The following PSMG4 variants were observed in gnomAD, a reference collection of about 807,000 sequenced individuals.
The protein encoded by PSMG4 is proteasome assembly chaperone 4, also known as proteasome (prosome, macropain) assembly chaperone 4.
PSMG4 carries 10 observed loss-of-function variants against 11.0 expected under a neutral mutation model. The observed-to-expected ratio is 0.91, with a 90% CI of 0.56 to 1.54. PSMG4 has a LOEUF of 1.54. Ranked by LOEUF, PSMG4 falls within the 40% of genes most tolerant of loss-of-function variation. The pLI, the probability that PSMG4 is intolerant of heterozygous loss-of-function variation, is 0.00. For synonymous variants in PSMG4, 95 were observed against 71.3 expected (o/e 1.33, Z -1.68); for missense variants, 198 against 160.9 (o/e 1.23, Z -1.25).
upstream of PSMG4, among the ~76,000 whole-genome samples, chr6:3,257,594 A>G (rs1311541522): frequency 6.6e-6 from 1 of 152,154 alleles, no homozygotes; most frequent in African/African-American, 2.4e-5. Flanking sequence ...ATTGACACAC[A>G]AGCAGATGAA....
chr6:3,262,800 T>C (rs1170239526), intron 1 of PSMG4, among the ~76,000 whole-genome samples: 1 of 143,322 alleles, frequency 7.0e-6, no homozygotes, highest in Non-Finnish European at 1.5e-5. Context: ...GTGTTTTTTT[T>C]TTCCCCCTTT....
chr6:3,254,572 C>T (rs4997135), upstream of PSMG4, among the ~76,000 whole-genome samples: 103,417 of 151,474 alleles, frequency 0.68, 38,580 homozygotes, highest in Non-Finnish European at 0.83. Flanking sequence ...GTTTGTGAGG[C>T]TGGGAACCCA....
At chr6:3,254,405 G>A (rs1757659934), upstream of PSMG4, among the ~76,000 whole-genome samples, 1 of 152,188 alleles carries the variant, frequency 6.6e-6, no homozygotes, top group Admixed American at 6.5e-5. Context: ...CCTGCTGTTG[G>A]TGGCACATCT....
upstream of PSMG4, chr6:3,255,160 A>G (rs555095616): frequency 2.1e-5 from 32 of 1,550,930 alleles, no homozygotes; most frequent in South Asian, 2.3e-4. Context: ...GCAGGGCCAT[A>G]CTGACGGCTT....
rs1757870726 is a variant in PSMG4, at chr6:3,259,203, G to A, written c.174+7G>A. 1 of 1,289,094 alleles carries A rather than the reference G, an allele frequency of 7.8e-7. No individual in the cohort carries two copies. The allele number at this position is 1,289,094 out of a possible 1,614,324, so 79.9% of individuals were successfully genotyped here. On this transcript the variant is annotated splice_region_variant and intron_variant, in intron 1 of 2. Transcript: ENST00000438998. ...GGCCATGTGCAGCCGCTACGTGAGTGCCTGGCGGCCGAGGGTGCGGGCGGC... is the reference window on the plus strand; with the variant it reads ...GGCCATGTGCAGCCGCTACGTGAGTACCTGGCGGCCGAGGGTGCGGGCGGC...
At position 3,258,949 on chromosome 6, in the gene PSMG4, T is replaced by G. The variant is rs1757855205; in HGVS notation, c.-74T>G. On this transcript the variant is annotated 5_prime_UTR_variant, in exon 1 of 3. Transcript: ENST00000438998. Reference sequence around the variant, plus strand: ...GCGCGCTCGGTCTCTCGGTGCTCGCTCCATCGGGTCTGGCGGGGCTGGCAG... The same window carrying G: ...GCGCGCTCGGTCTCTCGGTGCTCGCGCCATCGGGTCTGGCGGGGCTGGCAG... 6.6e-6 allele frequency: 8 copies of G among 1,207,536 alleles called. No homozygotes were observed. The highest frequency in any genetic ancestry group is 8.3e-6 in the Non-Finnish European group (8 of 966,018). 74.8% of individuals were successfully genotyped at this position (1,207,536 alleles called of 1,614,324 possible).
chr6:3,264,304 CA>C lies in PSMG4; in HGVS notation c.250+547del. On this transcript the variant is annotated intron_variant, in intron 2 of 2. Coordinates refer to ENST00000438998, the MANE Select transcript of PSMG4 (RefSeq NM_001128591.2). The stretch of plus-strand genomic sequence containing the variant: ...TGAATGCTCCACTCTTCCCACACCC[CA>C]ACACACTTCCTGTGGGCCAGGTAAG... The C allele has an allele frequency of 2.6e-6, 4 of 1,551,066 alleles. No homozygotes were observed. The African/African-American group carries it at 4.1e-5, about 16-fold the overall frequency.
chr6:3,263,543 CT>C (rs1351335866), intron 1 of PSMG4, 140 bp from the exon 2 acceptor site: 1 of 672,028 alleles, frequency 1.5e-6, no homozygotes, highest in Non-Finnish European at 2.4e-6. Context: ...GACGCCACCC[CT>C]CTTTCCCTCG....
upstream of PSMG4, among the ~76,000 whole-genome samples, chr6:3,254,451 C>CT (rs5873867): frequency 0.61 from 92,645 of 151,694 alleles, 30,713 homozygotes; most frequent in Non-Finnish European, 0.73. Context: ...TAGTTTTCTG[C>CT]TTTTTTTGTG....
upstream of PSMG4, chr6:3,254,902 G>A (rs986884137): frequency 4.7e-6 from 4 of 842,758 alleles, no homozygotes; most frequent in Admixed American, 1.2e-4. Flanking sequence ...GTAAGTGAAT[G>A]ATCTCTGAGC....
chr6:3,260,291 A>ATATATATTTTT, intron 1 of PSMG4, among the ~76,000 whole-genome samples: 5 of 70,864 alleles, frequency 7.1e-5, no homozygotes, highest in East Asian at 4.6e-4. Flanking sequence ...ATATATATAT[A>ATATATATTTTT]TTTTTTTTTT....
At chr6:3,255,876 C>T (rs571849562), upstream of PSMG4, among the ~76,000 whole-genome samples, 6 of 139,408 alleles carry the variant, frequency 4.3e-5, no homozygotes, top group East Asian at 1.3e-3. Flanking sequence ...ATTGTTTTGT[C>T]TTCCTCTTTC....
upstream of PSMG4, among the ~76,000 whole-genome samples, chr6:3,256,766 G>T (rs754266801): frequency 2.0e-5 from 3 of 152,206 alleles, no homozygotes; most frequent in Non-Finnish European, 2.9e-5. Flanking sequence ...TCTGCACTGG[G>T]GCAAACTGGC....
At position 3,258,950 on chromosome 6, in the gene PSMG4, C is replaced by A; in HGVS notation, c.-73C>A. On this transcript the variant is annotated 5_prime_UTR_variant, in exon 1 of 3. Transcript: ENST00000438998. The stretch of plus-strand genomic sequence containing the variant: ...CGCGCTCGGTCTCTCGGTGCTCGCT[C>A]CATCGGGTCTGGCGGGGCTGGCAGC... 1 of 1,212,822 alleles carries A rather than the reference C, an allele frequency of 8.2e-7. No individual in the cohort carries two copies. Among genetic ancestry groups the A allele is most frequent in the South Asian group, 4.1e-5 (1 of 24,584 alleles). The allele number at this position is 1,212,822 out of a possible 1,614,324, so 75.1% of individuals were successfully genotyped here. A position where few individuals can be genotyped will look rare whatever the true frequency, so the allele number is the denominator to read the frequency against.
At chr6:3,266,099 A>G (rs553405086) in intron 2 of PSMG4, 4 of 152,186 alleles carry the variant, frequency 2.6e-5, no homozygotes, top group African/African-American at 9.6e-5. Context: ...AGCCCTAAAA[A>G]TCACGCAGCC....
At chr6:3,260,063 C>T (rs1403254913) in intron 1 of PSMG4, among the ~76,000 whole-genome samples, 1 of 151,998 alleles carries the variant, frequency 6.6e-6, no homozygotes, top group Non-Finnish European at 1.5e-5. Flanking sequence ...CCTCAGCCTC[C>T]CGAGTAGCTA....
In PSMG4 at chr6:3,264,123, G is replaced by A. The variant is rs150579914; in HGVS notation, c.250+364G>A. 14,829 of 1,527,638 alleles carry A rather than the reference G, an allele frequency of 9.7e-3. 78 individuals carry two copies. The highest frequency in any genetic ancestry group is 0.012 in the Non-Finnish European group (13,101 of 1,132,644). The allele number at this position is 1,527,638 out of a possible 1,614,324, so 94.6% of individuals were successfully genotyped here. ...GTGGTGGCTCAAGGTAGCCTCCCGG[G>A]CCTTAGGAGGAGTCAGTGCAGCTGG... On this transcript the variant is annotated intron_variant, in intron 2 of 2. Transcript: ENST00000438998.
At chr6:3,263,596 C>G in intron 1 of PSMG4, 88 bp from the exon 2 acceptor site, 2 of 1,156,256 alleles carry the variant, frequency 1.7e-6, no homozygotes, top group Admixed American at 2.8e-5. Flanking sequence ...CTGCCATCGT[C>G]GTGAAGAATC....
upstream of PSMG4, among the ~76,000 whole-genome samples, chr6:3,254,600 T>C (rs192913604): frequency 2.8e-4 from 43 of 152,272 alleles, no homozygotes; most frequent in East Asian, 7.9e-3. Flanking sequence ...AAGTAAATAA[T>C]TCCAGTAGGC....
Sources: gnomAD v4.1 joint callset for allele counts (sites outside exome capture counted in the v4.1 genomes callset) on GRCh38, gnomAD v4.1.1 for gene constraint, MANE v1.5 for transcripts, NCBI Gene and HGNC (gene_info 2026-07-23, HGNC 2026-07-21) for gene names.